OLA1: variants seen among roughly 807,000 people sequenced by gnomAD.
OLA1 encodes Obg like ATPase 1.
A neutral mutation model predicts 48.4 loss-of-function variants in OLA1; 14 were observed. The observed-to-expected ratio is 0.29, with a 90% CI of 0.19 to 0.45. OLA1 has a LOEUF of 0.45. Among genes scored for constraint, OLA1 ranks in the 20% least tolerant of loss-of-function variants. The pLI, the probability that OLA1 is intolerant of heterozygous loss-of-function variation, is 1.00. For missense variants in OLA1, 325 were observed against 467.1 expected (o/e 0.70, Z 2.80); for synonymous variants, 127 against 150.4 (o/e 0.84, Z 1.14).
chr2:174,130,071 A>G (rs1686143287), intron 5 of OLA1, among the ~76,000 whole-genome samples: 1 of 152,122 alleles, frequency 6.6e-6, no homozygotes, highest in Admixed American at 6.5e-5. Flanking sequence ...GCATCCTCCA[A>G]CTATTCCCTT....
At chr2:174,156,358 A>G (rs957509314) in intron 4 of OLA1, among the ~76,000 whole-genome samples, 8 of 152,180 alleles carry the variant, frequency 5.3e-5, no homozygotes, top group African/African-American at 2.4e-5. Context: ...GCCAACCTAC[A>G]GTTGAAATGC....
At chr2:174,083,460 A>C (rs1684901862) in intron 7 of OLA1, among the ~76,000 whole-genome samples, 1 of 152,114 alleles carries the variant, frequency 6.6e-6, no homozygotes, top group South Asian at 2.1e-4. Context: ...TGTGGTTTTC[A>C]ATCTTCATAA....
At chr2:174,218,549 G>T (rs758893013) in intron 4 of OLA1, among the ~76,000 whole-genome samples, 1 of 152,148 alleles carries the variant, frequency 6.6e-6, no homozygotes, top group Non-Finnish European at 1.5e-5. Context: ...TTAGCATACA[G>T]TAACTTCAAA....
At chr2:174,120,029 G>T (rs1028461927) in intron 7 of OLA1, among the ~76,000 whole-genome samples, 4 of 151,856 alleles carry the variant, frequency 2.6e-5, no homozygotes, top group African/African-American at 9.7e-5. Context: ...ACATAAATAT[G>T]TAGTATAATA....
At chr2:174,094,777 G>C (rs978911159) in intron 7 of OLA1, among the ~76,000 whole-genome samples, 1 of 152,106 alleles carries the variant, frequency 6.6e-6, no homozygotes, top group African/African-American at 2.4e-5. Context: ...TTTTCATCTT[G>C]TAGATCTAAA....
intron 7 of OLA1, among the ~76,000 whole-genome samples, chr2:174,116,068 A>C (rs954598094): frequency 6.6e-6 from 1 of 152,232 alleles, no homozygotes; most frequent in Non-Finnish European, 1.5e-5. Flanking sequence ...AAGGAACATA[A>C]ATTTGAAATT....
At chr2:174,096,826 T>C (rs1685266994) in intron 7 of OLA1, among the ~76,000 whole-genome samples, 1 of 152,320 alleles carries the variant, frequency 6.6e-6, no homozygotes, top group South Asian at 2.1e-4. Context: ...AAAATACTGT[T>C]ATATTGCCTA....
chr2:174,229,442 A>C lies in OLA1; in HGVS notation c.111T>G (p.Thr37=). The change falls in exon 3 of 11, where the codon ACT becomes ACG. Residue 37 remains threonine, a synonymous_variant. Transcript: ENST00000284719. ...GACTATTGGTTAACACATTGAAGAAAGTAGATTTCCTAAAACAAATAAAAG... is the reference window on the plus strand; with the variant it reads ...GACTATTGGTTAACACATTGAAGAACGTAGATTTCCTAAAACAAATAAAAG... ...IVGLPNVGKS[T]FFNVLTNSQA... The C allele has an allele frequency of 6.2e-7, 1 of 1,607,202 alleles. No individual in the cohort carries two copies. The highest frequency in any genetic ancestry group is 8.5e-7 in the Non-Finnish European group (1 of 1,178,148).
chr2:174,214,982 G>A (rs1688330380), intron 4 of OLA1, among the ~76,000 whole-genome samples: 2 of 151,858 alleles, frequency 1.3e-5, no homozygotes, highest in Non-Finnish European at 2.9e-5. Flanking sequence ...CCCAGGAGGT[G>A]GAGGTTGCAG....
At chr2:174,087,617 G>C (rs1428606294) in intron 7 of OLA1, among the ~76,000 whole-genome samples, 1 of 151,926 alleles carries the variant, frequency 6.6e-6, no homozygotes, top group Non-Finnish European at 1.5e-5. Flanking sequence ...ACATTATAAA[G>C]GGAACAGAGA....
intron 2 of OLA1, among the ~76,000 whole-genome samples, chr2:174,244,031 C>G (rs1689071973): frequency 2.6e-5 from 4 of 152,202 alleles, no homozygotes; most frequent in Admixed American, 2.6e-4. Context: ...TGAGAAACAC[C>G]CAGAAATCCA....
At chr2:174,169,256 A>G (rs1010191623) in intron 4 of OLA1, among the ~76,000 whole-genome samples, 2 of 152,164 alleles carry the variant, frequency 1.3e-5, no homozygotes, top group African/African-American at 4.8e-5. Flanking sequence ...CAACATGCAT[A>G]TAATTAAAGT....
At chr2:174,235,864 C>T (rs925395022) in intron 2 of OLA1, among the ~76,000 whole-genome samples, 2 of 152,146 alleles carry the variant, frequency 1.3e-5, no homozygotes, top group African/African-American at 4.8e-5. Flanking sequence ...GAACAGTTCT[C>T]AGGGCTCACA....
chr2:174,103,185 ATGTGT>A (rs1685436167), intron 7 of OLA1, among the ~76,000 whole-genome samples: 1 of 97,842 alleles, frequency 1.0e-5, no homozygotes, highest in South Asian at 2.9e-4. Context: ...TCATGTGTAC[ATGTGT>A]ATCATGTGTA....
At chr2:174,227,691 A>G (rs2105454603) in intron 3 of OLA1, among the ~76,000 whole-genome samples, 1 of 152,358 alleles carries the variant, frequency 6.6e-6, no homozygotes, top group East Asian at 1.9e-4. Flanking sequence ...TTTGTGACAG[A>G]TTAAAACCAA....
intron 2 of OLA1, among the ~76,000 whole-genome samples, chr2:174,229,794 A>G (rs532365644): frequency 1.1e-3 from 163 of 152,300 alleles, no homozygotes; most frequent in Non-Finnish European, 1.6e-3. Context: ...GCATCACTTC[A>G]TCCATACCTA....
intron 4 of OLA1, among the ~76,000 whole-genome samples, chr2:174,209,002 T>C (rs1324380685): frequency 6.6e-6 from 1 of 152,196 alleles, no homozygotes; most frequent in African/African-American, 2.4e-5. Context: ...GTTAAAACAA[T>C]GCATTCTCTG....
intron 4 of OLA1, among the ~76,000 whole-genome samples, chr2:174,193,394 A>G (rs907471660): frequency 1.3e-5 from 2 of 152,132 alleles, no homozygotes; most frequent in African/African-American, 4.8e-5. Flanking sequence ...CCAGCTGTCT[A>G]AGGCTAGTTT....
At chr2:174,119,161 A>C (rs1158176551) in intron 7 of OLA1, among the ~76,000 whole-genome samples, 2 of 151,386 alleles carry the variant, frequency 1.3e-5, no homozygotes, top group African/African-American at 4.8e-5. Flanking sequence ...TCAGCCTTCC[A>C]TCTCCTGTAA....
Sources: gnomAD v4.1 joint callset for allele counts (sites outside exome capture counted in the v4.1 genomes callset) on GRCh38, gnomAD v4.1.1 for gene constraint, MANE v1.5 for transcripts, NCBI Gene and HGNC (gene_info 2026-07-23, HGNC 2026-07-21) for gene names.